The following DST variants were observed in gnomAD, a reference collection of about 807,000 sequenced individuals.
DST encodes the protein bullous pemphigoid antigen.
In DST, 253 loss-of-function variants were observed where a neutral mutation model predicts 875.2. That is an observed-to-expected ratio of 0.29 (90% confidence interval 0.26 to 0.32). The LOEUF (loss-of-function observed/expected upper bound fraction) is 0.32, where lower values mean the gene tolerates loss of function less well. Among genes scored for constraint, DST ranks in the 10% least tolerant of loss-of-function variants. The pLI is 1.00. For missense variants in DST, 8,287 were observed against 9,111.6 expected (o/e 0.91, Z 3.68); for synonymous variants, 3,124 against 3,197.1 (o/e 0.98, Z 0.77).
chr6:56,853,188 T>C (rs1481022322), intron 3 of DST, among the ~76,000 whole-genome samples: 1 of 152,198 alleles, frequency 6.6e-6, no homozygotes, highest in Non-Finnish European at 1.5e-5. Flanking sequence ...AATTTCATCA[T>C]CTTGGCTAAT....
intron 78 of DST, among the ~76,000 whole-genome samples, chr6:56,503,627 ACC>A (rs1554261605): frequency 6.7e-6 from 1 of 149,434 alleles, no homozygotes; most frequent in African/African-American, 2.5e-5. Flanking sequence ...ACACACACAC[ACC>A]CCATGTCCCT....
At chr6:56,601,283 A>G (rs2098443494) in intron 44 of DST, among the ~76,000 whole-genome samples, 160 bp downstream of exon 44, 1 of 152,058 alleles carries the variant, frequency 6.6e-6, no homozygotes, top group South Asian at 2.1e-4. Context: ...TCATTAGTGA[A>G]AACAATATTG....
At chr6:56,626,315 C>T (rs1015800161) in intron 34 of DST, among the ~76,000 whole-genome samples, 1 of 152,126 alleles carries the variant, frequency 6.6e-6, no homozygotes, top group Non-Finnish European at 1.5e-5. Context: ...GTCCTGCAAG[C>T]TCCATTCATG....
intron 2 of DST, among the ~76,000 whole-genome samples, chr6:56,905,774 A>G (rs977889082): frequency 2.0e-4 from 31 of 151,858 alleles, no homozygotes; most frequent in African/African-American, 7.2e-4. Flanking sequence ...TCAGCCTCCC[A>G]AGTAGATGGG....
chr6:56,705,066 A>G (rs1367052175), intron 5 of DST, among the ~76,000 whole-genome samples: 1 of 152,230 alleles, frequency 6.6e-6, no homozygotes, highest in Non-Finnish European at 1.5e-5. Flanking sequence ...CTGTGATTTT[A>G]GAACCCAAAC....
intron 27 of DST, 142 bp downstream of exon 27, chr6:56,633,990 C>T: frequency 1.9e-6 from 2 of 1,031,958 alleles, no homozygotes; most frequent in Non-Finnish European, 3.0e-6. Context: ...GGGCATATAA[C>T]AAATATTCAT....
intron 10 of DST, among the ~76,000 whole-genome samples, chr6:56,661,043 T>C (rs938969537): frequency 7.1e-5 from 10 of 141,638 alleles, no homozygotes; most frequent in African/African-American, 3.2e-4. Context: ...GAGAATGGTA[T>C]TGATGTTGAT....
At chr6:56,632,178 T>C (rs992953441) in intron 28 of DST, 138 bp from the exon 29 acceptor site, 16 of 609,044 alleles carry the variant, frequency 2.6e-5, no homozygotes, top group Non-Finnish European at 4.2e-5. Flanking sequence ...CACAAACCCA[T>C]TCTAAGGATA....
intron 9 of DST, among the ~76,000 whole-genome samples, chr6:56,680,421 T>C (rs1414988121): frequency 6.6e-6 from 1 of 152,234 alleles, no homozygotes; most frequent in East Asian, 1.9e-4. Flanking sequence ...CAAACACTCA[T>C]AAATGTCCAC....
At chr6:56,650,767 C>A (rs376098690) in intron 12 of DST, among the ~76,000 whole-genome samples, 159 bp downstream of exon 12, 1 of 152,120 alleles carries the variant, frequency 6.6e-6, no homozygotes, top group Non-Finnish European at 1.5e-5. Flanking sequence ...AGAATAATGT[C>A]ATGAAATACA....
Position 56,555,822 on chromosome 6 carries a change from C to T in DST, c.14659G>A (p.Ala4887Thr), listed in dbSNP as rs1367127828. Residue 4887 changes from alanine (A) to threonine (T), a missense_variant, in exon 60 of 104, where the codon GCC (alanine) becomes ACC (threonine). Physicochemically the swap from Ala to Thr is moderately conservative, Grantham distance 58. Coordinates refer to ENST00000680361, the MANE Select transcript of DST (RefSeq NM_001374736.1). ...QQVQILLQEFATRKPQYEQLT... is the reference protein window; with the variant it reads ...QQVQILLQEFTTRKPQYEQLT... ...TGTTCATATTGAGGTTTCCGAGTGG[C>T]GAATTCTTGCAGCAAAATCTAAGGT... 3 of 1,488,634 alleles carry T rather than the reference C, an allele frequency of 2.0e-6. No homozygotes were observed. Among genetic ancestry groups the T allele is most frequent in the African/African-American group, 2.8e-5 (2 of 71,530 alleles). 92.2% of individuals were successfully genotyped at this position (1,488,634 alleles called of 1,614,324 possible).
Position 56,524,383 on chromosome 6 carries a change from T to TA in DST, c.18129+1977dup, listed in dbSNP as rs148760185. On this transcript the variant is annotated intron_variant, in intron 69 of 103. Coordinates refer to ENST00000680361, the MANE Select transcript of DST (RefSeq NM_001374736.1). Reference sequence around the variant, plus strand: ...ATTAGATACCTCCACTTTGTTGTAATAATGGAACCTTCGGATTATTGAAGA... The same window carrying TA: ...ATTAGATACCTCCACTTTGTTGTAATAAATGGAACCTTCGGATTATTGAAGA... Among the ~76,000 whole-genome samples, 1,247 of 152,274 alleles carry TA rather than the reference T, an allele frequency of 8.2e-3. 17 individuals are homozygous for TA. The highest frequency in any genetic ancestry group is 0.028 in the African/African-American group (1,181 of 41,560).
chr6:56,548,199 C>CA (rs551747115), intron 61 of DST, among the ~76,000 whole-genome samples: 9 of 151,656 alleles, frequency 5.9e-5, no homozygotes, highest in South Asian at 4.2e-4. Context: ...AAAAAAATGG[C>CA]AAAAAAAATC....
chr6:56,666,472 T>A (rs1377215405), intron 10 of DST, among the ~76,000 whole-genome samples: 1 of 152,076 alleles, frequency 6.6e-6, no homozygotes, highest in Non-Finnish European at 1.5e-5. Context: ...AAATTTCCTA[T>A]TCTATCTTGA....
At chr6:56,916,749 C>A (rs995368035) in intron 2 of DST, among the ~76,000 whole-genome samples, 7 of 133,118 alleles carry the variant, frequency 5.3e-5, no homozygotes, top group South Asian at 2.5e-4. Context: ...TTCTCTCTCT[C>A]TCTATCTCTC....
intron 4 of DST, among the ~76,000 whole-genome samples, chr6:56,736,873 T>C (rs1377081005): frequency 6.6e-6 from 1 of 152,168 alleles, no homozygotes; most frequent in African/African-American, 2.4e-5. Flanking sequence ...AATCAATTTT[T>C]TAAAAAGTAA....
intron 72 of DST, among the ~76,000 whole-genome samples, chr6:56,515,231 G>A (rs2096566259): frequency 6.7e-6 from 1 of 150,282 alleles, no homozygotes; most frequent in Non-Finnish European, 1.5e-5. Context: ...TAAAAGTTGT[G>A]ATGTAATTAA....
At chr6:56,651,436 T>C (rs902582754) in intron 10 of DST, among the ~76,000 whole-genome samples, 192 bp from the exon 11 acceptor site, 2 of 152,206 alleles carry the variant, frequency 1.3e-5, no homozygotes, top group Admixed American at 1.3e-4. Flanking sequence ...AAAGCAAATA[T>C]AACAATGAAA....
intron 23 of DST, among the ~76,000 whole-genome samples, 176 bp downstream of exon 23, chr6:56,636,379 CAT>C (rs993550966): frequency 1.5e-4 from 22 of 150,000 alleles, no homozygotes; most frequent in East Asian, 8.1e-4. Context: ...TATATACACA[CAT>C]ATATGTGTAT....
Sources: allele counts gnomAD v4.1 joint callset (sites outside exome capture counted in the v4.1 genomes callset), GRCh38; gene constraint gnomAD v4.1.1; transcripts MANE v1.5; gene names NCBI Gene and HGNC (gene_info 2026-07-23, HGNC 2026-07-21).